The following WNT2 variants were observed in gnomAD, a reference collection of about 807,000 sequenced individuals.
WNT2 encodes the protein protein Wnt-2.
WNT2 carries 12 observed loss-of-function variants against 36.9 expected under a neutral mutation model. That is an observed-to-expected ratio of 0.33 (90% CI 0.21 to 0.53). The LOEUF is 0.53. WNT2 is among the 20% of genes least tolerant of loss of function. The probability of loss-of-function intolerance (pLI) is 0.95; values close to 1 mark genes in which losing one functional copy is unlikely to be tolerated. For missense variants in WNT2, 379 were observed against 473.1 expected (o/e 0.80, Z 1.84); for synonymous variants, 163 against 174.6 (o/e 0.93, Z 0.52).
chr7:117,319,520 A>AG (rs1795283956), intron 2 of WNT2, among the ~76,000 whole-genome samples: 2 of 105,134 alleles, frequency 1.9e-5, no homozygotes, highest in African/African-American at 7.9e-5. Context: ...TTTCTTAGGA[A>AG]TTGGGGGGGG....
chr7:117,300,858 C>T (rs936900557), intron 3 of WNT2: 5 of 152,214 alleles, frequency 3.3e-5, no homozygotes, highest in African/African-American at 1.2e-4. Flanking sequence ...GTCTCTGTCT[C>T]TAGATGCTGG....
In WNT2 at chr7:117,297,746, C is replaced by G; in HGVS notation, c.719G>C (p.Gly240Ala). 1 of 1,614,092 alleles carries G rather than the reference C, an allele frequency of 6.2e-7. No homozygotes were observed. Among genetic ancestry groups the G allele is most frequent in the Non-Finnish European group, 8.5e-7 (1 of 1,180,024 alleles). ...CTGGTTCATGACCACCTGGATGGCC[C>G]CATTGTACTTCCTCCAGAGATAATC... is the stretch of plus-strand genomic sequence containing the variant. ...TGDYLWRKYNGAIQVVMNQDG... is the reference protein window; with the variant it reads ...TGDYLWRKYNAAIQVVMNQDG... Residue 240 changes from glycine (G) to alanine (A), a missense_variant, in exon 4 of 5, where the codon GGG becomes GCG. By Grantham distance (60) the Gly-to-Ala change is moderately conservative. Transcript: ENST00000265441.
At chr7:117,297,262 G>A (rs971994147) in intron 4 of WNT2, among the ~76,000 whole-genome samples, 1 of 151,916 alleles carries the variant, frequency 6.6e-6, no homozygotes, top group African/African-American at 2.4e-5. Flanking sequence ...TTTTGAGATG[G>A]AGTTCACTCT....
chr7:117,314,983 C>T, intron 3 of WNT2, 88 bp downstream of exon 3: 1 of 1,530,104 alleles, frequency 6.5e-7, no homozygotes. Flanking sequence ...AGCATTTTAT[C>T]AATTCTAGGG....
intron 4 of WNT2, 35 bp downstream of exon 4, chr7:117,297,577 A>G (rs758357277): frequency 6.3e-7 from 1 of 1,588,124 alleles, no homozygotes; most frequent in Non-Finnish European, 8.6e-7. Flanking sequence ...TTGTTGAAAG[A>G]ATTAGGTACT....
At position 117,278,220 on chromosome 7, in the gene WNT2, G is replaced by A; in HGVS notation, c.1018C>T (p.Leu340=). The change falls in exon 5 of 5, where the codon CTG becomes TTG. Residue 340 remains leucine, a synonymous_variant. Transcript: ENST00000265441. ...CATGTGTGCACATCCAGAGCTTCCA[G>A]GCAGTCCTGACAGCGCACGGCGCAG... is the stretch of plus-strand genomic sequence containing the variant. ...WCCAVRCQDC[L]EALDVHTCKA... is the part of the protein sequence containing the mutation. The A allele has an allele frequency of 6.2e-7, 1 of 1,614,220 alleles. No individual in the cohort carries two copies. Among genetic ancestry groups the A allele is most frequent in the Non-Finnish European group, 8.5e-7 (1 of 1,180,030 alleles).
At chr7:117,319,131 A>G (rs1201739711) in intron 2 of WNT2, among the ~76,000 whole-genome samples, 2 of 152,220 alleles carry the variant, frequency 1.3e-5, no homozygotes, top group African/African-American at 4.8e-5. Context: ...ATATATCCAA[A>G]GATTACTCGT....
In WNT2 at chr7:117,322,812, G is replaced by T; in HGVS notation, c.83+95C>A. The T allele has an allele frequency of 7.6e-7, 1 of 1,309,232 alleles. No individual in the cohort carries two copies. The highest frequency in any genetic ancestry group is 1.1e-6 in the Non-Finnish European group (1 of 916,760). The allele number at this position is 1,309,232 out of a possible 1,614,324, so 81.1% of individuals were successfully genotyped here. A position where few individuals can be genotyped will look rare whatever the true frequency, so the allele number is the denominator to read the frequency against. ...TCGGGCCAGAATCCGAGACTGCTGC[G>T]GCCGCGGGGGAACGCAGCCAGGAAG... On this transcript the variant is annotated intron_variant, in intron 1 of 4. Coordinates refer to ENST00000265441, the MANE Select transcript of WNT2 (RefSeq NM_003391.3). The surrounding 1 kb of genome is among the most constrained non-coding windows in gnomAD (Gnocchi z 5.4).
chr7:117,294,145 C>T (rs1438434281), intron 4 of WNT2, among the ~76,000 whole-genome samples: 3 of 152,248 alleles, frequency 2.0e-5, no homozygotes, highest in African/African-American at 4.8e-5. Flanking sequence ...GTGATCCTCC[C>T]GCCTCAGTCT....
Position 117,277,108 on chromosome 7 carries a change from C to T in WNT2, c.*1047G>A, listed in dbSNP as rs1332561810. 6.6e-6 allele frequency: 1 copy of T among 152,630 alleles called. No homozygotes were observed. Among genetic ancestry groups the T allele is most frequent in the African/African-American group, 2.4e-5 (1 of 41,456 alleles). 9.5% of individuals were successfully genotyped at this position (152,630 alleles called of 1,614,324 possible). A position where few individuals can be genotyped will look rare whatever the true frequency, so the allele number is the denominator to read the frequency against. On this transcript the variant is annotated 3_prime_UTR_variant, in exon 5 of 5. Coordinates refer to ENST00000265441, the MANE Select transcript of WNT2 (RefSeq NM_003391.3). ...GCATCTGCTTATTGTAAGGCCGCCCCAGGCACGAGTTAGCTCTGGAAACCT... is the reference window on the plus strand; with the variant it reads ...GCATCTGCTTATTGTAAGGCCGCCCTAGGCACGAGTTAGCTCTGGAAACCT...
intron 4 of WNT2, among the ~76,000 whole-genome samples, chr7:117,294,096 A>G (rs1794742418): frequency 6.6e-6 from 1 of 152,156 alleles, no homozygotes; most frequent in South Asian, 2.1e-4. Context: ...GGGGTCTCTC[A>G]CTATGTTACC....
At position 117,297,862 on chromosome 7, in the gene WNT2, G is replaced by T; in HGVS notation, c.603C>A (p.Phe201Leu). Residue 201 changes from phenylalanine to leucine, a missense_variant, in exon 4 of 5, where the codon TTC becomes TTA. Transcript: ENST00000265441. ...CGTGGCACTTGCACTCTTGTTTCAA[G>T]AACCGCTTTACAGCCTGCCGAAAAA... ...NRAGRKAVKR[F>L]LKQECKCHGV... 1 of 1,612,494 alleles carries T rather than the reference G, an allele frequency of 6.2e-7. No homozygotes were observed. The highest frequency in any genetic ancestry group is 8.5e-7 in the Non-Finnish European group (1 of 1,178,686).
chr7:117,289,251 G>A (rs1794642332), intron 4 of WNT2, among the ~76,000 whole-genome samples: 1 of 151,826 alleles, frequency 6.6e-6, no homozygotes, highest in South Asian at 2.1e-4. Context: ...GTAGAGACGG[G>A]GTTTCCCCGT....
rs192980538 is a variant in WNT2 at position 117,297,216 on chromosome 7, C to T, written c.853+396G>A. Among the ~76,000 whole-genome samples the T allele has an allele frequency of 4.6e-5, 7 of 152,252 alleles. No individual in the cohort carries two copies. In the East Asian group the frequency reaches 1.4e-3, roughly 29 times the overall value. ...CCATTTCTCCAGTTGCTTAGGAGAG[C>T]TCTCTGTGCAGTTTCTTTTCTTTTC... On this transcript the variant is annotated intron_variant, in intron 4 of 4. Transcript: ENST00000265441.
At chr7:117,292,324 C>T (rs137865909) in intron 4 of WNT2, among the ~76,000 whole-genome samples, 6 of 151,928 alleles carry the variant, frequency 3.9e-5, no homozygotes, top group Admixed American at 6.6e-5. Context: ...CACACTGGGA[C>T]GTAAGTGGCA....
At chr7:117,289,132 T>C (rs536693456) in intron 4 of WNT2, among the ~76,000 whole-genome samples, 1 of 142,600 alleles carries the variant, frequency 7.0e-6, no homozygotes, top group East Asian at 2.3e-4. Context: ...CAATCTCGGC[T>C]CACTGCAAGC....
rs1563196000 is a variant in WNT2, at chr7:117,275,973, A to G, written c.*2182T>C. 6.6e-6 allele frequency among the ~76,000 whole-genome samples: 1 copy of G among 152,246 alleles called. No individual in the cohort carries two copies. Among genetic ancestry groups the G allele is most frequent in the African/African-American group, 2.4e-5 (1 of 41,474 alleles). On this transcript the variant is annotated 3_prime_UTR_variant, in exon 5 of 5. Coordinates refer to ENST00000265441, the MANE Select transcript of WNT2 (RefSeq NM_003391.3). ...ATCTAAACATACCAGGCATAAAAAAAGTAGCAAACACACCATTGGAAGCTA... is the reference window on the plus strand; with the variant it reads ...ATCTAAACATACCAGGCATAAAAAAGGTAGCAAACACACCATTGGAAGCTA...
At chr7:117,283,713 G>A (rs923248765) in intron 4 of WNT2, among the ~76,000 whole-genome samples, 1 of 152,176 alleles carries the variant, frequency 6.6e-6, no homozygotes, top group Non-Finnish European at 1.5e-5. Context: ...TATGACCATT[G>A]ACAAAAGCTT....
At chr7:117,287,843 C>A (rs1794614353) in intron 4 of WNT2, among the ~76,000 whole-genome samples, 1 of 151,984 alleles carries the variant, frequency 6.6e-6, no homozygotes, top group African/African-American at 2.4e-5. Context: ...CAAAAATTAG[C>A]TGGCCATGGT....
Sources: gnomAD v4.1 joint callset for allele counts (sites outside exome capture counted in the v4.1 genomes callset) on GRCh38, gnomAD v4.1.1 for gene constraint, Gnocchi (gnomAD v3.1) non-coding constraint, MANE v1.5 for transcripts, NCBI Gene and HGNC (gene_info 2026-07-23, HGNC 2026-07-21) for gene names.